The following FAM163A variants were observed in gnomAD, a reference collection of about 807,000 sequenced individuals.
FAM163A encodes the protein family with sequence similarity 163 member A.
Under a neutral mutation model 12.0 loss-of-function variants are expected in FAM163A, and 7 were observed. The ratio of observed to expected loss-of-function variants is 0.58; its 90% CI spans 0.33 to 1.10. FAM163A has a LOEUF of 1.10. Among genes scored for constraint, FAM163A ranks in the 50% least tolerant of loss-of-function variants. FAM163A has a pLI of 0.03. For synonymous variants in FAM163A, 101 were observed against 91.0 expected, an observed-to-expected ratio of 1.11 and a Z score of -0.62; for missense variants, 202 against 218.6, an observed-to-expected ratio of 0.92 and a Z score of 0.48.
At chr1:179,807,541 C>G (rs887010003) in intron 1 of FAM163A, among the ~76,000 whole-genome samples, 5 of 152,242 alleles carry the variant, frequency 3.3e-5, no homozygotes, top group Non-Finnish European at 7.3e-5. Flanking sequence ...TGCCGCTGCC[C>G]TGGGCACAGG....
At chr1:179,788,085 C>T (rs1690908812) in intron 1 of FAM163A, among the ~76,000 whole-genome samples, 1 of 152,276 alleles carries the variant, frequency 6.6e-6, no homozygotes, top group Non-Finnish European at 1.5e-5. Context: ...AGGATTTTCT[C>T]TATAAAGGTA....
rs116825902 is a variant in FAM163A, at chr1:179,765,084, T to A, written c.-136+21661T>A. The stretch of plus-strand genomic sequence containing the variant: ...CCCCAATTTAAATGCACTCCACACG[T>A]TGTAGCAACCCCCTTCCTCGTCCAC... On this transcript the variant is annotated intron_variant, in intron 1 of 4. Transcript: ENST00000341785. Among the ~76,000 whole-genome samples the A allele has an allele frequency of 3.3e-3, 503 of 152,256 alleles. 6 individuals carry two copies. The highest frequency in any genetic ancestry group is 0.011 in the African/African-American group (468 of 41,534).
At chr1:179,762,211 A>T (rs964346218) in intron 1 of FAM163A, among the ~76,000 whole-genome samples, 1 of 152,246 alleles carries the variant, frequency 6.6e-6, no homozygotes, top group African/African-American at 2.4e-5. Context: ...TTAGAAACCT[A>T]TCTCATAGAT....
At chr1:179,800,243 GCTTACT>G (rs1692964740) in intron 1 of FAM163A, among the ~76,000 whole-genome samples, 1 of 152,186 alleles carries the variant, frequency 6.6e-6, no homozygotes, top group Non-Finnish European at 1.5e-5. Flanking sequence ...ACACACCTGT[GCTTACT>G]CTTCTTCCAT....
chr1:179,746,222 G>A (rs763493063), intron 1 of FAM163A, among the ~76,000 whole-genome samples: 2 of 152,114 alleles, frequency 1.3e-5, no homozygotes, highest in Admixed American at 1.3e-4. Context: ...AATTATAAAC[G>A]CCCATGCCAT....
intron 1 of FAM163A, among the ~76,000 whole-genome samples, chr1:179,782,469 G>A (rs958179490): frequency 2.0e-5 from 3 of 152,008 alleles, no homozygotes; most frequent in African/African-American, 7.2e-5. Flanking sequence ...GGGCGGGAAA[G>A]CTTGTGCAAG....
intron 1 of FAM163A, among the ~76,000 whole-genome samples, chr1:179,781,180 CAG>C (rs1401615598): frequency 6.6e-6 from 1 of 152,020 alleles, no homozygotes; most frequent in Non-Finnish European, 1.5e-5. Context: ...CTACTAGGAA[CAG>C]AGTTTCTTTT....
At chr1:179,795,193 T>C (rs901193173) in intron 1 of FAM163A, among the ~76,000 whole-genome samples, 1 of 152,222 alleles carries the variant, frequency 6.6e-6, no homozygotes, top group Non-Finnish European at 1.5e-5. Context: ...CAGCCGGGCA[T>C]GATGGCTCAT....
intron 1 of FAM163A, among the ~76,000 whole-genome samples, chr1:179,794,036 A>C (rs1691908127): frequency 6.6e-6 from 1 of 152,242 alleles, no homozygotes; most frequent in South Asian, 2.1e-4. Context: ...CACAGTGGCC[A>C]CAGCCAGCAT....
the FAM163A span, among the ~76,000 whole-genome samples, chr1:179,728,310 G>C: frequency 2.8e-4 from 43 of 152,220 alleles, no homozygotes; most frequent in Admixed American, 2.2e-3. Context: ...TGTATCTTTG[G>C]CCACTACAGA....
rs1688534999 is a variant in FAM163A at position 179,773,472 on chromosome 1, G to A, written c.-136+30049G>A. On this transcript the variant is annotated intron_variant, in intron 1 of 4. Coordinates refer to ENST00000341785, the MANE Select transcript of FAM163A (RefSeq NM_173509.3). Reference sequence around the variant, plus strand: ...ATAGTTTTGCAAGATGTTACCATTGGGGGAAACTGGGTGAGGAGTATATGG... The same window carrying A: ...ATAGTTTTGCAAGATGTTACCATTGAGGGAAACTGGGTGAGGAGTATATGG... Among the ~76,000 whole-genome samples, 3 of 152,122 alleles carry A rather than the reference G, an allele frequency of 2.0e-5. No individual in the cohort carries two copies. In the South Asian group the frequency reaches 6.2e-4, roughly 32 times the overall value.
chr1:179,809,266 TG>T (rs1448160449), intron 2 of FAM163A, among the ~76,000 whole-genome samples: 2 of 152,092 alleles, frequency 1.3e-5, no homozygotes, highest in Admixed American at 1.3e-4. Context: ...AAACCATGTT[TG>T]TGGGGTCTTT....
chr1:179,802,434 C>T (rs1057452276), intron 1 of FAM163A, among the ~76,000 whole-genome samples: 2 of 152,152 alleles, frequency 1.3e-5, no homozygotes, highest in African/African-American at 2.4e-5. Flanking sequence ...GCATATCCTC[C>T]GTGATAGCAT....
At chr1:179,805,871 C>G (rs746199831) in intron 1 of FAM163A, among the ~76,000 whole-genome samples, 1 of 152,200 alleles carries the variant, frequency 6.6e-6, no homozygotes, top group Non-Finnish European at 1.5e-5. Context: ...CCCTCTCTTC[C>G]GAAGTTCCCT....
intron 1 of FAM163A, among the ~76,000 whole-genome samples, chr1:179,763,989 TAC>T (rs1687147731): frequency 6.6e-6 from 1 of 152,116 alleles, no homozygotes; most frequent in Non-Finnish European, 1.5e-5. Flanking sequence ...TCTCAAAGAC[TAC>T]ACACACACAA....
At chr1:179,767,062 C>T (rs1687607765) in intron 1 of FAM163A, among the ~76,000 whole-genome samples, 1 of 152,146 alleles carries the variant, frequency 6.6e-6, no homozygotes, top group African/African-American at 2.4e-5. Context: ...GGCCTTTACT[C>T]CTTTTTCGAA....
At chr1:179,794,618 G>T (rs1455575321) in intron 1 of FAM163A, among the ~76,000 whole-genome samples, 1 of 152,196 alleles carries the variant, frequency 6.6e-6, no homozygotes, top group African/African-American at 2.4e-5. Flanking sequence ...CTCTGCTTTT[G>T]TGAGGGCTTA....
chr1:179,783,129 TAAAA>T (rs11378381), intron 1 of FAM163A, among the ~76,000 whole-genome samples: 1 of 141,378 alleles, frequency 7.1e-6, no homozygotes, highest in Non-Finnish European at 1.5e-5. Context: ...AACTCCGTCT[TAAAA>T]AAAAAAAAAA....
upstream of FAM163A, chr1:179,742,776 C>T (rs1353394086): frequency 6.6e-6 from 1 of 152,340 alleles, no homozygotes; most frequent in African/African-American, 2.4e-5. Flanking sequence ...CAGACTTCAC[C>T]GTCACAGCTC....
Sources: gnomAD v4.1 joint callset for allele counts (sites outside exome capture counted in the v4.1 genomes callset) on GRCh38, gnomAD v4.1.1 for gene constraint, MANE v1.5 for transcripts, NCBI Gene and HGNC (gene_info 2026-07-23, HGNC 2026-07-21) for gene names.